The following YPEL3 variants were observed in gnomAD, a reference collection of about 807,000 sequenced individuals.
YPEL3 encodes the protein protein yippee-like 3.
YPEL3 carries 5 observed loss-of-function variants against 17.5 expected under a neutral mutation model. The ratio of observed to expected loss-of-function variants is 0.29; its 90% CI spans 0.15 to 0.60. YPEL3 has a LOEUF of 0.60. YPEL3 is among the 20% of genes least tolerant of loss of function. The pLI is 0.87. For missense variants in YPEL3, 155 were observed against 211.4 expected, an observed-to-expected ratio of 0.73 and a Z score of 1.65; for synonymous variants, 87 against 87.2, an observed-to-expected ratio of 1.00 and a Z score of 0.01.
Position 30,095,854 on chromosome 16 carries a change from C to T in YPEL3, c.-372G>A. The T allele has an allele frequency of 4.4e-6, 1 of 229,592 alleles. No homozygotes were observed. Among genetic ancestry groups the T allele is most frequent in the Non-Finnish European group, 8.6e-6 (1 of 116,062 alleles). The allele number at this position is 229,592 out of a possible 1,614,324, so 14.2% of individuals were successfully genotyped here. A position where few individuals can be genotyped will look rare whatever the true frequency, so the allele number is the denominator to read the frequency against. ...GTTCATCGGGGAGAGGGTCCCCCAC[C>T]TGGAGGAGGTAGGAGGCCTCGCCGT... On this transcript the variant is annotated 5_prime_UTR_variant, in exon 1 of 4. Transcript: ENST00000398841. This position sits in a 1 kb window ranked among gnomAD's most constrained non-coding sequence, Gnocchi z 5.4.
rs748831301 is a variant in YPEL3, at chr16:30,095,182, C to G, written c.232-36G>C. On this transcript the variant is annotated intron_variant, in intron 1 of 3. Coordinates refer to ENST00000398841, the MANE Select transcript of YPEL3 (RefSeq NM_031477.5). This position sits in a 1 kb window ranked among gnomAD's most constrained non-coding sequence, Gnocchi z 5.4. ...AGAGGGTGGGAAGAGAGGAGGGGGT[C>G]AGGGCTGCCGGTGGGGAGCTGCCAG... 6.2e-7 allele frequency: 1 copy of G among 1,614,048 alleles called. No homozygotes were observed. The highest frequency in any genetic ancestry group is 2.2e-5 in the East Asian group (1 of 44,872).
In YPEL3 at chr16:30,095,162, G is replaced by T. The variant is rs201542395; in HGVS notation, c.232-16C>A. 645 of 1,614,066 alleles carry T rather than the reference G, an allele frequency of 4.0e-4. 2 individuals are homozygous for T. The highest frequency in any genetic ancestry group is 2.6e-3 in the South Asian group (236 of 91,080). ...CCTGGAAGGACTAAAGGGTGAGAGG[G>T]TGGGAAGAGAGGAGGGGGTCAGGGC... On this transcript the variant is annotated splice_polypyrimidine_tract_variant and intron_variant, in intron 1 of 3. Transcript: ENST00000398841. This position sits in a 1 kb window ranked among gnomAD's most constrained non-coding sequence, Gnocchi z 5.4.
chr16:30,093,583 C>T (rs2072761241), intron 3 of YPEL3, among the ~76,000 whole-genome samples: 3 of 151,380 alleles, frequency 2.0e-5, no homozygotes, highest in Admixed American at 6.6e-5. Context: ...TTTTTGACCT[C>T]TTGTTTAGGC....
chr16:30,092,581 T>C lies in YPEL3; in HGVS notation c.*129A>G, dbSNP rs766215953. ...GTCACAGTGCATGCAATAAAATATA[T>C]ATACAGGAGCTAGATCCGTCCTCTG... is the stretch of plus-strand genomic sequence containing the variant. On this transcript the variant is annotated 3_prime_UTR_variant, in exon 4 of 4. Transcript: ENST00000398841. The C allele has an allele frequency of 1.6e-5, 12 of 761,596 alleles. No homozygotes were observed. The highest frequency in any genetic ancestry group is 2.5e-5 in the East Asian group (1 of 39,312). The allele number at this position is 761,596 out of a possible 1,614,324, so 47.2% of individuals were successfully genotyped here.
rs1053970197 is a variant in YPEL3, at chr16:30,095,791, C to T, written c.-309G>A. The T allele has an allele frequency of 5.6e-4, 215 of 382,994 alleles. 1 individual carries two copies. The highest frequency in any genetic ancestry group is 4.8e-4 in the Non-Finnish European group (102 of 211,498). 23.7% of individuals were successfully genotyped at this position (382,994 alleles called of 1,614,324 possible). ...AGGCACTGGTTGGTCCTTGCGACCT[C>T]ATCTGGAGAGCAGTGGGGTTCACTG... On this transcript the variant is annotated 5_prime_UTR_variant, in exon 1 of 4. An upstream start codon of the reference 5' UTR is lost. Transcript: ENST00000398841. The surrounding 1 kb of genome is among the most constrained non-coding windows in gnomAD (Gnocchi z 5.4).
At chr16:30,093,894 CTCTT>C (rs2072766717) in intron 3 of YPEL3, 1 of 152,178 alleles carries the variant, frequency 6.6e-6, no homozygotes, top group South Asian at 2.1e-4. Context: ...GGCCGGCCAG[CTCTT>C]TATTTGGTAG....
At chr16:30,094,971 C>CCT in intron 2 of YPEL3, 74 bp from the exon 3 acceptor site, 1 of 1,598,254 alleles carries the variant, frequency 6.3e-7, no homozygotes, top group Non-Finnish European at 8.6e-7. Flanking sequence ...CTGTGTCTGT[C>CCT]CTCAGCATCC....
Position 30,094,836 on chromosome 16 carries a change from C to T in YPEL3, c.337G>A (p.Ala113Thr), listed in dbSNP as rs370953161. 3 of 1,613,982 alleles carry T rather than the reference C, an allele frequency of 1.9e-6. No homozygotes were observed. The highest frequency in any genetic ancestry group is 1.1e-5 in the South Asian group (1 of 91,082). ...TTGCAGTTCTCGCAGTGGATGTCGG[C>T]GACAGCATGGAGGCCGGTCAGCAGC... ...RVLLTGLHAV[A>T]DIHCENCKTT... Residue 113 changes from alanine to threonine, a missense_variant, in exon 3 of 4, where the codon GCC becomes ACC. This residue lies in a region of YPEL3 where 74 missense variants were observed against 134.9 expected (regional missense o/e 0.55). Transcript: ENST00000398841.
At position 30,096,179 on chromosome 16, in the gene YPEL3, C is replaced by A. The variant is rs1290015320; in HGVS notation, c.-697G>T. ...CGCTCCTGGCGGGCGCCGTCCCCCC[C>A]GGGCCCGGGTTCGCAGGCGCCTGGA... is the stretch of plus-strand genomic sequence containing the variant. On this transcript the variant is annotated 5_prime_UTR_variant, in exon 1 of 4. Transcript: ENST00000398841. 6.7e-6 allele frequency: 1 copy of A among 150,098 alleles called. No individual in the cohort carries two copies. The highest frequency in any genetic ancestry group is 2.1e-4 in the South Asian group (1 of 4,830). 9.3% of individuals were successfully genotyped at this position (150,098 alleles called of 1,614,324 possible). A position where few individuals can be genotyped will look rare whatever the true frequency, so the allele number is the denominator to read the frequency against.
Position 30,092,708 on chromosome 16 carries a change from G to A in YPEL3, c.*2C>T. 6.2e-7 allele frequency: 1 copy of A among 1,614,040 alleles called. No individual in the cohort carries two copies. The highest frequency in any genetic ancestry group is 8.5e-7 in the Non-Finnish European group (1 of 1,179,954). On this transcript the variant is annotated 3_prime_UTR_variant, in exon 4 of 4. Coordinates refer to ENST00000398841, the MANE Select transcript of YPEL3 (RefSeq NM_031477.5). ...GAGCCACATGCGTCGGGGGAGCGGG[G>A]GTCAGTCCCAGCCGTTGTCTTTGAT... is the stretch of plus-strand genomic sequence containing the variant.
Position 30,094,881 on chromosome 16 carries a change from CG to C in YPEL3, c.291del (p.Cys97TrpfsTer10). 1 of 1,612,962 alleles carries C rather than the reference CG, an allele frequency of 6.2e-7. No homozygotes were observed. Among genetic ancestry groups the C allele is most frequent in the African/African-American group, 1.3e-5 (1 of 75,050 alleles). On this transcript the variant is annotated frameshift_variant, in exon 3 of 4. Transcript: ENST00000398841. LOFTEE classifies it high-confidence loss of function. ...YLFNSVVNVGCGPAEERVLLT... is the reference protein window; with the variant it reads ...YLFNSVVNVGXGPAEERVLLT... ...AGCAGCACCCGCTCCTCGGCTGGCC[CG>C]CAGCCCACGTTCACCCTGTGGGGAC...
Position 30,092,339 on chromosome 16 carries a change from G to A in YPEL3, c.*371C>T. ...TGTCTCCACTCCATTGTTTTATTATGTACAAACGCTACAGAACGAGGGGGA... is the reference window on the plus strand; with the variant it reads ...TGTCTCCACTCCATTGTTTTATTATATACAAACGCTACAGAACGAGGGGGA... On this transcript the variant is annotated 3_prime_UTR_variant, in exon 4 of 4. Coordinates refer to ENST00000398841, the MANE Select transcript of YPEL3 (RefSeq NM_031477.5). 1 of 232,244 alleles carries A rather than the reference G, an allele frequency of 4.3e-6. No individual in the cohort carries two copies. Among genetic ancestry groups the A allele is most frequent in the Admixed American group, 5.1e-5 (1 of 19,548 alleles). The allele number at this position is 232,244 out of a possible 1,614,324, so 14.4% of individuals were successfully genotyped here.
intron 3 of YPEL3, among the ~76,000 whole-genome samples, chr16:30,093,381 GC>G (rs2151035400): frequency 6.6e-6 from 1 of 152,270 alleles, no homozygotes; most frequent in South Asian, 2.1e-4. Context: ...TGCTGCCTTG[GC>G]CCCGAGTAGC....
In YPEL3 at chr16:30,095,119, A is replaced by C; in HGVS notation, c.259T>G (p.Tyr87Asp). 1 of 1,614,148 alleles carries C rather than the reference A, an allele frequency of 6.2e-7. No individual in the cohort carries two copies. The change falls in exon 2 of 4, where the codon TAC becomes GAC. Residue 87 changes from tyrosine (Y) to aspartate (D), a missense_variant. Around this residue, in one of 3 missense-constraint regions of YPEL3, gnomAD observed 74 missense variants for 134.9 expected, o/e 0.55. Coordinates refer to ENST00000398841, the MANE Select transcript of YPEL3 (RefSeq NM_031477.5). The surrounding 1 kb of genome is among the most constrained non-coding windows in gnomAD (Gnocchi z 5.4). ...GATACTCACACTGAGTTGAAGAGGT[A>C]GGCACGCCCCTGACTGCCCTGGAAG... ...KSFQGSQGRA[Y>D]LFNSVVNVGC...
chr16:30,094,997 C>T (rs2151036009), intron 2 of YPEL3, 100 bp from the exon 3 acceptor site: 1 of 1,597,864 alleles, frequency 6.3e-7, no homozygotes, highest in Non-Finnish European at 8.6e-7. Context: ...ATGATGCTCA[C>T]AATTTCCTGC....
chr16:30,095,045 A>G lies in YPEL3; in HGVS notation c.275+58T>C, dbSNP rs995424628. ...ACTCTGGGAGTCTCAGCAGGATGCCAGGGGTCACAGGTCACAACAGAGGTC... is the reference window on the plus strand; with the variant it reads ...ACTCTGGGAGTCTCAGCAGGATGCCGGGGGTCACAGGTCACAACAGAGGTC... On this transcript the variant is annotated intron_variant, in intron 2 of 3. Transcript: ENST00000398841. The surrounding 1 kb of genome is among the most constrained non-coding windows in gnomAD (Gnocchi z 5.4). 2 of 1,611,216 alleles carry G rather than the reference A, an allele frequency of 1.2e-6. No individual in the cohort carries two copies. Among genetic ancestry groups the G allele is most frequent in the East Asian group, 4.5e-5 (2 of 44,870 alleles).
rs967344216 is a variant in YPEL3 at position 30,095,623 on chromosome 16, G to A, written c.-141C>T. 1.4e-6 allele frequency: 1 copy of A among 726,694 alleles called. No homozygotes were observed. Among genetic ancestry groups the A allele is most frequent in the African/African-American group, 1.8e-5 (1 of 56,444 alleles). 45.0% of individuals were successfully genotyped at this position (726,694 alleles called of 1,614,324 possible). A position where few individuals can be genotyped will look rare whatever the true frequency, so the allele number is the denominator to read the frequency against. On this transcript the variant is annotated 5_prime_UTR_variant, in exon 1 of 4. Transcript: ENST00000398841. This position sits in a 1 kb window ranked among gnomAD's most constrained non-coding sequence, Gnocchi z 5.4. ...GGAGGCCTCAGGTTGCATCCATGGG[G>A]AAACTGAGGCTCGGAGGTGCCCAGG...
At chr16:30,094,658 G>A in intron 3 of YPEL3, 131 bp downstream of exon 3, 2 of 833,068 alleles carry the variant, frequency 2.4e-6, no homozygotes, top group South Asian at 2.8e-5. Context: ...TAAAGAGAAT[G>A]TGGTCAGGGA....
rs771297278 is a variant in YPEL3, at chr16:30,095,353, T to C, written c.130A>G (p.Lys44Glu). 6.2e-7 allele frequency: 1 copy of C among 1,614,146 alleles called. No homozygotes were observed. The highest frequency in any genetic ancestry group is 1.3e-5 in the African/African-American group (1 of 75,054). Residue 44 changes from lysine (K) to glutamate (E), a missense_variant, in exon 1 of 4, where the codon AAG becomes GAG. Lys to Glu is a moderately conservative substitution (Grantham distance 56). Transcript: ENST00000398841. The surrounding 1 kb of genome is among the most constrained non-coding windows in gnomAD (Gnocchi z 5.4). ...AAGTAGGCCTGAAACGTCTTGGGCTTTGAAATCCGCACCATGGCGGGGGCC... is the reference window on the plus strand; with the variant it reads ...AAGTAGGCCTGAAACGTCTTGGGCTCTGAAATCCGCACCATGGCGGGGGCC... ...PPAPAMVRIS[K>E]PKTFQAYLDD... is the part of the protein sequence containing the mutation.
Sources: gnomAD v4.1 joint callset for allele counts (sites outside exome capture counted in the v4.1 genomes callset) on GRCh38, gnomAD v4.1.1 for gene constraint, gnomAD v4.1.1 regional missense constraint, Gnocchi (gnomAD v3.1) non-coding constraint, MANE v1.5 for transcripts, NCBI Gene and HGNC (gene_info 2026-07-23, HGNC 2026-07-21) for gene names.